ZNF430: variants seen among roughly 807,000 people sequenced by gnomAD.
The protein encoded by ZNF430 is zinc finger protein 430.
ZNF430 carries 35 observed loss-of-function variants against 56.7 expected under a neutral mutation model. The observed-to-expected ratio is 0.62, with a 90% CI of 0.47 to 0.82. The LOEUF is 0.82. Ranked by LOEUF, ZNF430 falls within the 40% of genes least tolerant of loss-of-function variation. The probability of loss-of-function intolerance (pLI) is 0.00; values close to 1 mark genes in which losing one functional copy is unlikely to be tolerated. For synonymous variants in ZNF430, 212 were observed against 224.3 expected (o/e 0.94, Z 0.49); for missense variants, 574 against 661.0 (o/e 0.87, Z 1.44).
intron 4 of ZNF430, among the ~76,000 whole-genome samples, chr19:21,040,852 AATAG>A (rs1215091806): frequency 3.9e-5 from 6 of 152,178 alleles, no homozygotes; most frequent in Admixed American, 3.9e-4. Flanking sequence ...TATAAACATA[AATAG>A]ATAGATATGA....
intron 4 of ZNF430, chr19:21,049,601 A>G (rs1968246197): frequency 6.7e-6 from 1 of 148,330 alleles, no homozygotes; most frequent in African/African-American, 2.5e-5. Context: ...ATGAGCCACT[A>G]TGTCTGGCCA....
At chr19:21,055,632 T>G (rs1968362624) in intron 4 of ZNF430, among the ~76,000 whole-genome samples, 1 of 152,062 alleles carries the variant, frequency 6.6e-6, no homozygotes, top group South Asian at 2.1e-4. Context: ...TTTTGTTTTT[T>G]TAGTAGAGAT....
chr19:21,034,468 T>G (rs1443181371), intron 4 of ZNF430: 6 of 292,628 alleles, frequency 2.1e-5, no homozygotes, highest in Non-Finnish European at 3.8e-5. Context: ...TCCATTGTTT[T>G]GGGGGACACA....
intron 1 of ZNF430, among the ~76,000 whole-genome samples, chr19:21,021,570 T>C (rs893534139): frequency 6.6e-6 from 1 of 152,074 alleles, no homozygotes; most frequent in Non-Finnish European, 1.5e-5. Flanking sequence ...TAAAAAACTG[T>C]TGAGCACCCA....
Position 21,034,082 on chromosome 19 carries a change from A to G in ZNF430, c.224-4A>G. 6.2e-7 allele frequency: 1 copy of G among 1,609,272 alleles called. No individual in the cohort carries two copies. Among genetic ancestry groups the G allele is most frequent in the Non-Finnish European group, 8.5e-7 (1 of 1,175,624 alleles). On this transcript the variant is annotated splice_region_variant and splice_polypyrimidine_tract_variant and intron_variant, in intron 3 of 4. Coordinates refer to ENST00000261560, the MANE Select transcript of ZNF430 (RefSeq NM_025189.4). ...AAGATTCATGTTATTTATTTTCAAT[A>G]AAGCAGGTATTGCTGTTTCTAAGCC...
At position 21,040,311 on chromosome 19, in the gene ZNF430, T is replaced by TA. The variant is rs542913781; in HGVS notation, c.322+6128dup. 3.3e-5 allele frequency among the ~76,000 whole-genome samples: 5 copies of TA among 152,358 alleles called. No individual in the cohort carries two copies. The South Asian group carries it at 8.3e-4, about 25-fold the overall frequency. On this transcript the variant is annotated intron_variant, in intron 4 of 4. Transcript: ENST00000261560. ...CTGCAAGGCTCATGCTGCAATGTAA[T>TA]ACACAATGTTGGATGTGGAACCTGG...
At chr19:21,055,078 T>C (rs1568593187) in intron 4 of ZNF430, among the ~76,000 whole-genome samples, 1 of 152,250 alleles carries the variant, frequency 6.6e-6, no homozygotes, top group African/African-American at 2.4e-5. Flanking sequence ...TACCCTCATT[T>C]TTCTGATTTT....
At chr19:21,042,555 G>T (rs554577486) in intron 4 of ZNF430, among the ~76,000 whole-genome samples, 1 of 152,106 alleles carries the variant, frequency 6.6e-6, no homozygotes, top group Non-Finnish European at 1.5e-5. Flanking sequence ...TGGGGGTGCC[G>T]AGGCAGGAGG....
At chr19:21,038,189 GTAT>G (rs1968037927) in intron 4 of ZNF430, among the ~76,000 whole-genome samples, 1 of 151,622 alleles carries the variant, frequency 6.6e-6, no homozygotes, top group Admixed American at 6.6e-5. Flanking sequence ...TTATGTCTAA[GTAT>G]TTTACTTAAA....
At chr19:21,038,041 G>C (rs1251585366) in intron 4 of ZNF430, among the ~76,000 whole-genome samples, 1 of 151,848 alleles carries the variant, frequency 6.6e-6, no homozygotes, top group Admixed American at 6.6e-5. Flanking sequence ...TTGTTTTAAT[G>C]TGCAGAAATT....
rs1034561138 is a variant in ZNF430, at chr19:21,022,998, C to T, written c.96+117C>T. 10 of 755,390 alleles carry T rather than the reference C, an allele frequency of 1.3e-5. No individual in the cohort carries two copies. In the African/African-American group the frequency reaches 1.8e-4, roughly 13 times the overall value. 46.8% of individuals were successfully genotyped at this position (755,390 alleles called of 1,614,324 possible). On this transcript the variant is annotated intron_variant, in intron 2 of 4. Transcript: ENST00000261560. Reference sequence around the variant, plus strand: ...TGAGGGGAAAACAAATAATTTTTGCCTCTGGATTGTCTAAGGGGGCAGAAA... The same window carrying T: ...TGAGGGGAAAACAAATAATTTTTGCTTCTGGATTGTCTAAGGGGGCAGAAA...
intron 4 of ZNF430, 148 bp from the exon 5 acceptor site, chr19:21,056,483 T>C: frequency 1.9e-6 from 1 of 533,128 alleles, no homozygotes; most frequent in Non-Finnish European, 3.1e-6. Flanking sequence ...AATGAGACTC[T>C]GTCTAAAAAA....
chr19:21,042,905 C>T (rs1325296049), intron 4 of ZNF430, among the ~76,000 whole-genome samples: 1 of 151,950 alleles, frequency 6.6e-6, no homozygotes, highest in Non-Finnish European at 1.5e-5. Context: ...TTGTTTGTTT[C>T]TTGGCCACAT....
intron 4 of ZNF430, among the ~76,000 whole-genome samples, chr19:21,048,767 A>G (rs1599504616): frequency 6.6e-6 from 1 of 152,044 alleles, no homozygotes; most frequent in African/African-American, 2.4e-5. Flanking sequence ...GGCCGGGCAG[A>G]GGCGCCCCCC....
At chr19:21,050,213 G>T (rs1215441568) in intron 4 of ZNF430, among the ~76,000 whole-genome samples, 2 of 151,884 alleles carry the variant, frequency 1.3e-5, no homozygotes, top group Non-Finnish European at 2.9e-5. Flanking sequence ...TTTATTTCAT[G>T]AATATATTGA....
intron 2 of ZNF430, among the ~76,000 whole-genome samples, chr19:21,023,417 G>C (rs1033950227): frequency 6.6e-6 from 1 of 152,062 alleles, no homozygotes; most frequent in African/African-American, 2.4e-5. Context: ...TGAAAGGTAG[G>C]AAAATATTTA....
In ZNF430 at chr19:21,026,827, C is replaced by CTTTTT. The variant is rs747809260; in HGVS notation, c.96+3965_96+3969dup. Among the ~76,000 whole-genome samples the CTTTTT allele has an allele frequency of 7.8e-3, 534 of 68,712 alleles. 39 individuals are homozygous for CTTTTT. Among genetic ancestry groups the CTTTTT allele is most frequent in the Middle Eastern group, 0.022 (1 of 46 alleles). The allele number at this position is 68,712 out of a possible 152,430, so 45.1% of individuals were successfully genotyped here. ...TTGGATGCCTTTTTTCTTTTCTTTT[C>CTTTTT]TTTTTTTTTTTTTTTTTTTTTTTGA... On this transcript the variant is annotated intron_variant, in intron 2 of 4. Transcript: ENST00000261560.
chr19:21,025,646 G>T (rs1433080995), intron 2 of ZNF430, among the ~76,000 whole-genome samples: 5 of 151,940 alleles, frequency 3.3e-5, no homozygotes, highest in African/African-American at 7.3e-5. Flanking sequence ...GAGTGCAACG[G>T]CATCATCTCG....
chr19:21,038,467 G>A (rs1028581003), intron 4 of ZNF430, among the ~76,000 whole-genome samples: 4 of 151,920 alleles, frequency 2.6e-5, no homozygotes, highest in Admixed American at 6.6e-5. Context: ...TGGCTCTGTC[G>A]CCCAGGCTGG....
Sources: gnomAD v4.1 joint callset for allele counts (sites outside exome capture counted in the v4.1 genomes callset) on GRCh38, gnomAD v4.1.1 for gene constraint, MANE v1.5 for transcripts, NCBI Gene and HGNC (gene_info 2026-07-23, HGNC 2026-07-21) for gene names.